Variants in FAM81A observed in about 807,000 individuals in gnomAD.
The protein encoded by FAM81A is family with sequence similarity 81 member A, also known as protein FAM81A.
In FAM81A, 19 loss-of-function variants were observed where a neutral mutation model predicts 46.7. The observed-to-expected ratio is 0.41, with a 90% CI of 0.28 to 0.60. FAM81A has a LOEUF of 0.60. Ranked by LOEUF, FAM81A falls within the 20% of genes least tolerant of loss-of-function variation. The pLI, the probability that FAM81A is intolerant of heterozygous loss-of-function variation, is 0.34. For synonymous variants in FAM81A, 183 were observed against 152.9 expected (o/e 1.20, Z -1.45); for missense variants, 377 against 453.5 (o/e 0.83, Z 1.53).
In FAM81A at chr15:59,441,725, A is replaced by G. The variant is rs557072606; in HGVS notation, c.-78+3443A>G. ...AGCAGTCAGCCCTTTGCGCCTCTGT[A>G]TCTCCCTGTCTCCATGACACTGGTT... On this transcript the variant is annotated intron_variant, in intron 1 of 8. Transcript: ENST00000288228. Among the ~76,000 whole-genome samples, 16 of 152,210 alleles carry G rather than the reference A, an allele frequency of 1.1e-4. 1 individual carries two copies. The highest frequency in any genetic ancestry group is 8.3e-4 in the South Asian group (4 of 4,818).
Position 59,430,159 on chromosome 15 carries a change from G to A in FAM81A, c.-78+27801G>A, listed in dbSNP as rs960968345. 7.3e-5 allele frequency among the ~76,000 whole-genome samples: 11 copies of A among 151,082 alleles called. No homozygotes were observed. In the South Asian group the frequency reaches 8.4e-4, roughly 11 times the overall value. ...TTATCCTCAGAGATTTTCACTGGGA[G>A]AAAGAATGATTTCAACCAGCAGGGG... On this transcript the variant is annotated intron_variant, in intron 2 of 4. Transcript: ENST00000558348.
At chr15:59,440,626 A>G (rs1470098373) in intron 1 of FAM81A, among the ~76,000 whole-genome samples, 1 of 152,182 alleles carries the variant, frequency 6.6e-6, no homozygotes, top group Non-Finnish European at 1.5e-5. Flanking sequence ...GTCTTGAACA[A>G]GACTAAACCT....
chr15:59,468,922 C>T (rs1943076985), intron 3 of FAM81A, among the ~76,000 whole-genome samples: 1 of 152,120 alleles, frequency 6.6e-6, no homozygotes, highest in South Asian at 2.1e-4. Context: ...TGTCTTTGTT[C>T]TCATTGGTTT....
chr15:59,497,445 CA>C (rs71119477), intron 4 of FAM81A, among the ~76,000 whole-genome samples: 1,645 of 139,622 alleles, frequency 0.012, 22 homozygotes, highest in African/African-American at 0.036. Context: ...GACTCTGTCT[CA>C]AAAAAAAAAA....
rs1319181662 is a variant in FAM81A at position 59,499,468 on chromosome 15, G to A, written c.413+7079G>A. ...GAGAAAATATTCATTTATATTGCTC[G>A]TTATAATTACATAATTACCTTTACC... On this transcript the variant is annotated intron_variant, in intron 4 of 8. Transcript: ENST00000288228. Among the ~76,000 whole-genome samples, 10 of 152,016 alleles carry A rather than the reference G, an allele frequency of 6.6e-5. No individual in the cohort carries two copies. In the South Asian group the frequency reaches 1.0e-3, roughly 16 times the overall value.
At chr15:59,470,340 C>T (rs1402101742) in intron 3 of FAM81A, among the ~76,000 whole-genome samples, 1 of 152,210 alleles carries the variant, frequency 6.6e-6, no homozygotes, top group African/African-American at 2.4e-5. Flanking sequence ...TCAGGTACAA[C>T]AATCCAATGT....
At chr15:59,449,782 A>C (rs8023441) in intron 1 of FAM81A, among the ~76,000 whole-genome samples, 5,075 of 7,884 alleles carry the variant, frequency 0.64, 1,355 homozygotes, top group East Asian at 0.74. Flanking sequence ...ACTCTGTCTC[A>C]AAAAAAAAAA....
At chr15:59,481,466 C>A (rs1211452747) in intron 3 of FAM81A, among the ~76,000 whole-genome samples, 2 of 151,884 alleles carry the variant, frequency 1.3e-5, no homozygotes, top group African/African-American at 2.4e-5. Flanking sequence ...ACCATAATTC[C>A]ACCCTAGAGA....
chr15:59,433,491 C>T (rs984921839), upstream of FAM81A, among the ~76,000 whole-genome samples: 5 of 152,110 alleles, frequency 3.3e-5, no homozygotes, highest in East Asian at 1.9e-4. Flanking sequence ...ACTTCAAAAA[C>T]ATTATTGCGA....
At chr15:59,471,421 AGTACAG>A (rs1441581062) in intron 3 of FAM81A, among the ~76,000 whole-genome samples, 2 of 152,148 alleles carry the variant, frequency 1.3e-5, no homozygotes, top group Non-Finnish European at 2.9e-5. Context: ...GTCTGGTATC[AGTACAG>A]GTATTCCATC....
chr15:59,498,796 A>C (rs1007721753), intron 4 of FAM81A, among the ~76,000 whole-genome samples: 1 of 152,302 alleles, frequency 6.6e-6, no homozygotes, highest in African/African-American at 2.4e-5. Context: ...CCGGGATTAC[A>C]GGTGCCTGCC....
chr15:59,413,278 G>A (rs926307868), intron 2 of FAM81A, among the ~76,000 whole-genome samples: 3 of 152,118 alleles, frequency 2.0e-5, no homozygotes, highest in African/African-American at 7.2e-5. Context: ...CTGGCCCAGG[G>A]CAGTTAGGGT....
At chr15:59,486,846 G>A (rs1427375541) in intron 3 of FAM81A, among the ~76,000 whole-genome samples, 4 of 152,052 alleles carry the variant, frequency 2.6e-5, no homozygotes, top group Non-Finnish European at 5.9e-5. Context: ...AAAGCTGAGG[G>A]ATTTATCAAC....
At chr15:59,464,680 GTTGT>G (rs1341556367) in intron 3 of FAM81A, among the ~76,000 whole-genome samples, 5 of 152,098 alleles carry the variant, frequency 3.3e-5, no homozygotes, top group African/African-American at 1.2e-4. Flanking sequence ...TTGCTATTGA[GTTGT>G]TTGAGTTCCT....
upstream of FAM81A, chr15:59,438,165 C>T (rs1251919427): frequency 6.8e-6 from 1 of 146,306 alleles, no homozygotes; most frequent in Admixed American, 6.8e-5. Flanking sequence ...GATTGGACGG[C>T]GCTCCCCGCG....
At chr15:59,407,203 C>G (rs1439573844) in intron 2 of FAM81A, 2 of 154,324 alleles carry the variant, frequency 1.3e-5, no homozygotes, top group African/African-American at 4.8e-5. Flanking sequence ...CTTACCTTCC[C>G]CTTGATAATG....
At chr15:59,474,246 C>T (rs138372896) in intron 3 of FAM81A, among the ~76,000 whole-genome samples, 6 of 152,292 alleles carry the variant, frequency 3.9e-5, no homozygotes, top group East Asian at 1.9e-4. Context: ...GAGCAAAATG[C>T]GGTGAATGCT....
chr15:59,482,629 A>G (rs1418926340), intron 3 of FAM81A, among the ~76,000 whole-genome samples: 1 of 152,184 alleles, frequency 6.6e-6, no homozygotes, highest in African/African-American at 2.4e-5. Context: ...GGTTTTCTGG[A>G]GATGGGGTCC....
intron 4 of FAM81A, among the ~76,000 whole-genome samples, chr15:59,494,183 G>C (rs1026220599): frequency 3.9e-5 from 6 of 152,180 alleles, no homozygotes; most frequent in Admixed American, 3.9e-4. Context: ...AATAGGACTG[G>C]AAAACCTTGA....
Sources: allele counts gnomAD v4.1 joint callset (sites outside exome capture counted in the v4.1 genomes callset), GRCh38; gene constraint gnomAD v4.1.1; transcripts MANE v1.5; gene names NCBI Gene and HGNC (gene_info 2026-07-23, HGNC 2026-07-21).